Variants in ARHGAP24 observed in about 807,000 individuals in gnomAD.
The protein encoded by ARHGAP24 is rho GTPase-activating protein 24.
A neutral mutation model predicts 76.4 loss-of-function variants in ARHGAP24; 50 were observed. That is an observed-to-expected ratio of 0.65 (90% CI 0.52 to 0.83). The LOEUF (loss-of-function observed/expected upper bound fraction) is 0.83, where lower values mean the gene tolerates loss of function less well. Ranked by LOEUF, ARHGAP24 falls within the 40% of genes least tolerant of loss-of-function variation. The pLI, the probability that ARHGAP24 is intolerant of heterozygous loss-of-function variation, is 0.00. For synonymous variants in ARHGAP24, 345 were observed against 323.3 expected (o/e 1.07, Z -0.72); for missense variants, 930 against 914.2 (o/e 1.02, Z -0.22).
chr4:85,840,241 A>G (rs1362022784), intron 3 of ARHGAP24, among the ~76,000 whole-genome samples: 1 of 151,934 alleles, frequency 6.6e-6, no homozygotes, highest in Non-Finnish European at 1.5e-5. Context: ...ATAACAAGAC[A>G]TGTGATAGAA....
intron 3 of ARHGAP24, among the ~76,000 whole-genome samples, chr4:85,818,578 C>T (rs544665955): frequency 2.0e-5 from 3 of 152,342 alleles, no homozygotes; most frequent in African/African-American, 7.2e-5. Flanking sequence ...TTCACTACCA[C>T]AGCAGAGAGT....
At chr4:85,648,632 T>G (rs1721816504) in intron 2 of ARHGAP24, among the ~76,000 whole-genome samples, 3 of 152,044 alleles carry the variant, frequency 2.0e-5, no homozygotes, top group Admixed American at 1.3e-4. Context: ...ATAAACCAAA[T>G]ATGTCATACA....
intron 5 of ARHGAP24, among the ~76,000 whole-genome samples, chr4:85,952,176 A>G (rs1737653670): frequency 6.6e-6 from 1 of 152,232 alleles, no homozygotes; most frequent in South Asian, 2.1e-4. Flanking sequence ...TCAGCTATGT[A>G]TAAAATATAT....
chr4:85,661,665 C>A (rs927178627), intron 2 of ARHGAP24, among the ~76,000 whole-genome samples: 1 of 151,962 alleles, frequency 6.6e-6, no homozygotes, highest in Admixed American at 6.6e-5. Context: ...TATCCCTCCC[C>A]CCTTCCCCCA....
intron 4 of ARHGAP24, chr4:85,930,146 C>T (rs1736243846): frequency 1.8e-5 from 13 of 735,938 alleles, no homozygotes; most frequent in Non-Finnish European, 2.0e-5. Context: ...TCCCAGTTCT[C>T]ATTGAGAAAA....
chr4:85,995,200 C>A lies in ARHGAP24; in HGVS notation c.1546C>A (p.Gln516Lys). ...CTATGTGACCCTGAGGGATAACAAG[C>A]AGAAAGAACAAGCTGGAGAGTTAGG... ...NGYVTLRDNK[Q>K]KEQAGELGQH... The change falls in exon 9 of 10, where the codon CAG (glutamine) becomes AAG (lysine). Residue 516 changes from glutamine to lysine, a missense_variant. Transcript: ENST00000395184. 1.2e-6 allele frequency: 2 copies of A among 1,613,910 alleles called. No individual in the cohort carries two copies. The highest frequency in any genetic ancestry group is 1.7e-6 in the Non-Finnish European group (2 of 1,180,002).
chr4:85,962,121 A>T (rs1451071046), intron 5 of ARHGAP24, among the ~76,000 whole-genome samples: 1 of 152,110 alleles, frequency 6.6e-6, no homozygotes. Context: ...ATTGTGCTTC[A>T]AGCCCTAGGT....
intron 4 of ARHGAP24, 146 bp downstream of exon 4, chr4:85,923,916 CGT>C (rs1735876532): frequency 1.7e-6 from 2 of 1,171,726 alleles, no homozygotes; most frequent in East Asian, 5.2e-5. Flanking sequence ...TATTGTTAGA[CGT>C]ATGTCTTCGT....
rs1335337170 is a variant in ARHGAP24 at position 85,655,834 on chromosome 4, G to GAGAGAC, written c.181-66046_181-66045insCAGAGA. On this transcript the variant is annotated intron_variant, in intron 2 of 9. Transcript: ENST00000395184. Reference sequence around the variant, plus strand: ...AGAGAGAGAAAGAGAGAGAGAGAGAGAGAGAGAGAGACAGAGAGGAAGTTT... The same window carrying GAGAGAC: ...AGAGAGAGAAAGAGAGAGAGAGAGAGAGAGACAGAGAGAGAGACAGAGAGGAAGTTT... Among the ~76,000 whole-genome samples the GAGAGAC allele has an allele frequency of 1.1e-3, 123 of 115,470 alleles. 2 individuals carry two copies. Among genetic ancestry groups the GAGAGAC allele is most frequent in the African/African-American group, 3.8e-3 (115 of 29,976 alleles). 75.8% of individuals were successfully genotyped at this position (115,470 alleles called of 152,430 possible). A position where few individuals can be genotyped will look rare whatever the true frequency, so the allele number is the denominator to read the frequency against.
rs1033383053 is a variant in ARHGAP24, at chr4:85,505,077, T to G, written c.-21+29518T>G. ...ACTCTCTTCTGGCTTGTAGGGTTTC[T>G]GTGGAGAGATCTGCTATTAGTCTGA... On this transcript the variant is annotated intron_variant, in intron 1 of 9. Coordinates refer to ENST00000395184, the MANE Select transcript of ARHGAP24 (RefSeq NM_001025616.3). Among the ~76,000 whole-genome samples the G allele has an allele frequency of 9.8e-5, 15 of 152,326 alleles. No individual in the cohort carries two copies. The East Asian group carries it at 1.5e-3, about 16-fold the overall frequency.
At chr4:85,751,674 G>A (rs1331154225) in intron 3 of ARHGAP24, among the ~76,000 whole-genome samples, 4 of 152,164 alleles carry the variant, frequency 2.6e-5, no homozygotes, top group Admixed American at 2.6e-4. Flanking sequence ...CACTACAAAA[G>A]CATGGTTTCC....
chr4:85,695,177 A>T (rs1578147076), intron 2 of ARHGAP24, among the ~76,000 whole-genome samples: 1 of 152,352 alleles, frequency 6.6e-6, no homozygotes, highest in Admixed American at 6.5e-5. Context: ...ATTTCTGTGA[A>T]AAGTAAAGCA....
intron 1 of ARHGAP24, among the ~76,000 whole-genome samples, chr4:85,551,218 G>A (rs1043499827): frequency 1.3e-5 from 2 of 152,154 alleles, no homozygotes; most frequent in Non-Finnish European, 2.9e-5. Context: ...TGCCTAGTTT[G>A]TTGAGGGTTT....
intron 3 of ARHGAP24, among the ~76,000 whole-genome samples, chr4:85,767,958 C>T (rs1389225398): frequency 2.0e-5 from 3 of 152,048 alleles, no homozygotes; most frequent in Non-Finnish European, 2.9e-5. Flanking sequence ...AGGAATTGCT[C>T]TAAACTTGAA....
chr4:85,688,812 T>C (rs530948167), intron 2 of ARHGAP24, among the ~76,000 whole-genome samples: 2 of 152,096 alleles, frequency 1.3e-5, no homozygotes, highest in African/African-American at 4.8e-5. Flanking sequence ...AGTTGCTGAA[T>C]AGTATGTTCT....
At chr4:85,967,902 C>G (rs1738724990) in intron 5 of ARHGAP24, among the ~76,000 whole-genome samples, 1 of 152,090 alleles carries the variant, frequency 6.6e-6, no homozygotes, top group Admixed American at 6.6e-5. Context: ...TTCCACCCTA[C>G]CACATGTGCA....
chr4:85,511,823 G>A (rs563633311), intron 1 of ARHGAP24, among the ~76,000 whole-genome samples: 3 of 152,252 alleles, frequency 2.0e-5, no homozygotes, highest in Admixed American at 1.3e-4. Context: ...TGTCAGGAGG[G>A]CCACGCTCCC....
intron 3 of ARHGAP24, among the ~76,000 whole-genome samples, chr4:85,922,050 T>A (rs1190302547): frequency 2.6e-5 from 4 of 152,172 alleles, no homozygotes; most frequent in Non-Finnish European, 5.9e-5. Context: ...AGTAGTGAGA[T>A]GTTTGCTGTA....
chr4:85,476,047 T>TA (rs34409009), intron 1 of ARHGAP24, among the ~76,000 whole-genome samples: 15,506 of 148,082 alleles, frequency 0.1, 1,038 homozygotes, highest in African/African-American at 0.18. Context: ...AAATATGTTT[T>TA]AAAATATTTA....
Sources: gnomAD v4.1 joint callset for allele counts (sites outside exome capture counted in the v4.1 genomes callset) on GRCh38, gnomAD v4.1.1 for gene constraint, MANE v1.5 for transcripts, NCBI Gene and HGNC (gene_info 2026-07-23, HGNC 2026-07-21) for gene names.